SREBF2: variants seen among roughly 807,000 people sequenced by gnomAD.
SREBF2 encodes the protein sterol regulatory element-binding protein 2.
A neutral mutation model predicts 113.1 loss-of-function variants in SREBF2; 55 were observed. The observed-to-expected ratio is 0.49, with a 90% CI of 0.39 to 0.61. The LOEUF (loss-of-function observed/expected upper bound fraction) is 0.61. Among genes scored for constraint, SREBF2 ranks in the 20% least tolerant of loss-of-function variants. The probability of loss-of-function intolerance (pLI) is 0.00; values close to 1 mark genes in which losing one functional copy is unlikely to be tolerated. For missense variants in SREBF2, 1,349 were observed against 1,487.4 expected (o/e 0.91, Z 1.53); for synonymous variants, 593 against 605.7 (o/e 0.98, Z 0.31).
At chr22:41,867,382 A>G (rs2077093215) in intron 2 of SREBF2, 102 bp downstream of exon 2, 1 of 1,265,152 alleles carries the variant, frequency 7.9e-7, no homozygotes, top group Admixed American at 1.8e-5. Context: ...AATGGCAGGT[A>G]TATCAATATG....
intron 17 of SREBF2, 116 bp from the exon 18 acceptor site, chr22:41,904,747 G>T (rs2077491559): frequency 1.2e-6 from 1 of 826,054 alleles, no homozygotes; most frequent in Non-Finnish European, 2.1e-6. Context: ...GCAAGGCAGG[G>T]TGGTGTGGGA....
chr22:41,864,305 A>G (rs28873512), intron 1 of SREBF2, among the ~76,000 whole-genome samples: 1 of 109,702 alleles, frequency 9.1e-6, no homozygotes, highest in South Asian at 3.0e-4. Flanking sequence ...ATATATATAT[A>G]TATGTATATA....
At chr22:41,898,142 C>T (rs919974625) in intron 14 of SREBF2, among the ~76,000 whole-genome samples, 1 of 152,062 alleles carries the variant, frequency 6.6e-6, no homozygotes, top group African/African-American at 2.4e-5. Flanking sequence ...CGGAGTCTTA[C>T]TCTTGTTGCC....
chr22:41,907,044 G>A lies in SREBF2; in HGVS notation c.*1384G>A, dbSNP rs1224977102. 4 of 152,218 alleles carry A rather than the reference G, an allele frequency of 2.6e-5. No homozygotes were observed. The highest frequency in any genetic ancestry group is 4.4e-5 in the Non-Finnish European group (3 of 68,060). 9.4% of individuals were successfully genotyped at this position (152,218 alleles called of 1,614,324 possible). On this transcript the variant is annotated 3_prime_UTR_variant, in exon 19 of 19. Coordinates refer to ENST00000361204, the MANE Select transcript of SREBF2 (RefSeq NM_004599.4). ...CTCACAGCAGGGCCACCTTGATGCA[G>A]GCTGGAATGTTATCCCTGGGGTGTG...
In SREBF2 at chr22:41,877,968, A is replaced by G; in HGVS notation, c.1606A>G (p.Met536Val). ...SGSGGWFDWM[M>V]PTLLLWLVNG... ...TTCTGGGGGCTGGTTTGACTGGATG[A>G]TGCCTACTCTTCTCTTATGGCTGGT... is the stretch of plus-strand genomic sequence containing the variant. Residue 536 changes from methionine to valine, a missense_variant, in exon 9 of 19, where the codon ATG becomes GTG. Transcript: ENST00000361204. 1.9e-6 allele frequency: 3 copies of G among 1,614,104 alleles called. No individual in the cohort carries two copies. Among genetic ancestry groups the G allele is most frequent in the South Asian group, 2.2e-5 (2 of 91,064 alleles).
chr22:41,884,040 C>T (rs554519057), intron 10 of SREBF2, among the ~76,000 whole-genome samples: 40 of 142,258 alleles, frequency 2.8e-4, no homozygotes, highest in South Asian at 2.2e-3. Context: ...TCCTGGCCTC[C>T]CACCCACTAA....
intron 5 of SREBF2, among the ~76,000 whole-genome samples, 153 bp from the exon 6 acceptor site, chr22:41,875,184 C>T (rs557534378): frequency 2.1e-4 from 32 of 152,262 alleles, no homozygotes; most frequent in Non-Finnish European, 4.1e-4. Context: ...TAACTTCTCC[C>T]GAGTGGCACA....
chr22:41,875,897 G>A (rs2077193454), intron 7 of SREBF2, among the ~76,000 whole-genome samples, 173 bp downstream of exon 7: 1 of 152,216 alleles, frequency 6.6e-6, no homozygotes, highest in African/African-American at 2.4e-5. Flanking sequence ...AGAAAAAACT[G>A]ACTCCGGGGG....
At chr22:41,870,443 G>C (rs2077128931) in intron 3 of SREBF2, among the ~76,000 whole-genome samples, 1 of 151,820 alleles carries the variant, frequency 6.6e-6, no homozygotes, top group Non-Finnish European at 1.5e-5. Context: ...GGGCAACATG[G>C]TGAAACCCTG....
chr22:41,900,256 T>C, intron 15 of SREBF2, 74 bp from the exon 16 acceptor site: 1 of 1,586,296 alleles, frequency 6.3e-7, no homozygotes, highest in African/African-American at 1.3e-5. Context: ...TGGCAGTCAC[T>C]GGCTTGGGCC....
chr22:41,841,863 G>A (rs1024429629), intron 1 of SREBF2, among the ~76,000 whole-genome samples: 3 of 152,222 alleles, frequency 2.0e-5, no homozygotes, highest in South Asian at 4.1e-4. Flanking sequence ...ATAATCTAAT[G>A]TGATCCATCT....
In SREBF2 at chr22:41,904,822, G is replaced by A. The variant is rs557578341; in HGVS notation, c.3094-41G>A. The stretch of plus-strand genomic sequence containing the variant: ...AGCTACCCTGGGCATAGATGGGTGG[G>A]GACCAGGGGTGTGATGGATGTCACC... On this transcript the variant is annotated intron_variant, in intron 17 of 18. Transcript: ENST00000361204. 1.1e-5 allele frequency: 16 copies of A among 1,481,718 alleles called. No individual in the cohort carries two copies. The South Asian group carries it at 1.9e-4, about 18-fold the overall frequency. The allele number at this position is 1,481,718 out of a possible 1,614,324, so 91.8% of individuals were successfully genotyped here.
At chr22:41,875,255 C>G (rs1320769979) in intron 5 of SREBF2, 82 bp from the exon 6 acceptor site, 2 of 1,168,700 alleles carry the variant, frequency 1.7e-6, no homozygotes, top group African/African-American at 3.0e-5. Context: ...GCCATGCTGT[C>G]ATCCCAAGTG....
At position 41,875,529 on chromosome 22, in the gene SREBF2, G is replaced by T; in HGVS notation, c.1205-14G>T. 1.2e-6 allele frequency: 2 copies of T among 1,614,218 alleles called. No homozygotes were observed. Among genetic ancestry groups the T allele is most frequent in the Non-Finnish European group, 1.7e-6 (2 of 1,180,048 alleles). On this transcript the variant is annotated splice_polypyrimidine_tract_variant and intron_variant, in intron 6 of 18. Coordinates refer to ENST00000361204, the MANE Select transcript of SREBF2 (RefSeq NM_004599.4). ...AAAGCAGATCATTTTCACCAGGTGG[G>T]GTTTTCTTTGCAGAGCTTCTAAAGG...
intron 1 of SREBF2, among the ~76,000 whole-genome samples, chr22:41,852,910 C>T (rs1640119125): frequency 6.6e-6 from 1 of 151,854 alleles, no homozygotes; most frequent in African/African-American, 2.4e-5. Flanking sequence ...CCACCATGCC[C>T]AGCTAATTTT....
intron 1 of SREBF2, among the ~76,000 whole-genome samples, chr22:41,851,557 G>A (rs998114388): frequency 2.0e-5 from 3 of 151,994 alleles, no homozygotes; most frequent in Non-Finnish European, 2.9e-5. Flanking sequence ...GCAATGGCGC[G>A]ATCTCGCCTC....
At chr22:41,843,823 C>T (rs1124998) in intron 1 of SREBF2, among the ~76,000 whole-genome samples, 18,725 of 150,848 alleles carry the variant, frequency 0.12, 1,672 homozygotes, top group Admixed American at 0.31. Context: ...ACCTGGACAA[C>T]ATAGTGAGAC....
chr22:41,837,027 G>A (rs141811289), intron 1 of SREBF2, among the ~76,000 whole-genome samples: 7 of 152,288 alleles, frequency 4.6e-5, no homozygotes, highest in East Asian at 1.9e-4. Flanking sequence ...ACTTGAGCGC[G>A]ACAGATCATG....
At chr22:41,863,056 C>A (rs750871270) in intron 1 of SREBF2, among the ~76,000 whole-genome samples, 3 of 152,124 alleles carry the variant, frequency 2.0e-5, no homozygotes, top group Admixed American at 2.0e-4. Flanking sequence ...GATCAGTGCA[C>A]CCACATGCCT....
Sources: gnomAD v4.1 joint callset for allele counts (sites outside exome capture counted in the v4.1 genomes callset) on GRCh38, gnomAD v4.1.1 for gene constraint, MANE v1.5 for transcripts, NCBI Gene and HGNC (gene_info 2026-07-23, HGNC 2026-07-21) for gene names.